Variants in ARL4C observed in about 807,000 individuals in gnomAD.
ARL4C encodes ADP-ribosylation factor-like protein 4C.
In ARL4C, 5 loss-of-function variants were observed where a neutral mutation model predicts 12.8. The observed-to-expected ratio is 0.39, with a 90% CI of 0.20 to 0.82. ARL4C has a LOEUF of 0.82. Among genes scored for constraint, ARL4C ranks in the 40% least tolerant of loss-of-function variants. The probability of loss-of-function intolerance (pLI) is 0.39; values close to 1 mark genes in which losing one functional copy is unlikely to be tolerated. For synonymous variants in ARL4C, 119 were observed against 119.4 expected (o/e 1.00, Z 0.02); for missense variants, 148 against 265.2 (o/e 0.56, Z 3.07).
chr2:234,494,246 G>A lies in ARL4C; in HGVS notation c.*1560C>T, dbSNP rs1196017605. On this transcript the variant is annotated 3_prime_UTR_variant, in exon 2 of 2. Transcript: ENST00000339728. ...AAAAAAATCAAACAGTATGTTTTAA[G>A]TTTCCCTTTTGATACTGTGTTTCAG... 1 of 152,642 alleles carries A rather than the reference G, an allele frequency of 6.6e-6. No homozygotes were observed. The highest frequency in any genetic ancestry group is 1.5e-5 in the Non-Finnish European group (1 of 68,046). The allele number at this position is 152,642 out of a possible 1,614,324, so 9.5% of individuals were successfully genotyped here. A position where few individuals can be genotyped will look rare whatever the true frequency, so the allele number is the denominator to read the frequency against.
In ARL4C at chr2:234,496,270, G is replaced by C; in HGVS notation, c.317C>G (p.Thr106Arg). The C allele has an allele frequency of 6.3e-7, 1 of 1,596,794 alleles. No homozygotes were observed. The highest frequency in any genetic ancestry group is 1.3e-5 in the African/African-American group (1 of 74,580). Residue 106 changes from threonine to arginine, a missense_variant, in exon 1 of 2, where the codon ACG (threonine) becomes AGG (arginine). Thr to Arg is a moderately conservative substitution (Grantham distance 71, BLOSUM62 -1). Transcript: ENST00000339728. ...VDVDRLEEAK[T>R]ELHKVTKFAE... ...GAACTTGGTCACCTTGTGCAGCTCC[G>C]TCTTGGCCTCCTCCAGCCGGTCCAC... is the stretch of plus-strand genomic sequence containing the variant.
chr2:234,496,272 C>T lies in ARL4C; in HGVS notation c.315G>A (p.Lys105=). The change falls in exon 1 of 2, where the codon AAG becomes AAA. Residue 105 remains lysine, a synonymous_variant. Transcript: ENST00000339728. ...SVDVDRLEEA[K]TELHKVTKFA... ...ACTTGGTCACCTTGTGCAGCTCCGT[C>T]TTGGCCTCCTCCAGCCGGTCCACGT... The T allele has an allele frequency of 1.9e-6, 3 of 1,597,712 alleles. No homozygotes were observed. Among genetic ancestry groups the T allele is most frequent in the Admixed American group, 1.7e-5 (1 of 58,182 alleles).
chr2:234,495,854 G>A lies in ARL4C; in HGVS notation c.576-18C>T, dbSNP rs757163818. ...CACCAGTCCTGCATTTGGGTGCAGA[G>A]ATTCCGTTTTAAAAATTCGAAGCAT... is the stretch of plus-strand genomic sequence containing the variant. On this transcript the variant is annotated intron_variant, in intron 1 of 1. Coordinates refer to ENST00000339728, the MANE Select transcript of ARL4C (RefSeq NM_001282431.2). 3.9e-5 allele frequency: 63 copies of A among 1,599,190 alleles called. No individual in the cohort carries two copies. Among genetic ancestry groups the A allele is most frequent in the Admixed American group, 6.7e-5 (4 of 60,008 alleles).
Position 234,496,573 on chromosome 2 carries a change from G to A in ARL4C, c.14C>T (p.Ser5Phe). 6.4e-7 allele frequency: 1 copy of A among 1,573,368 alleles called. No homozygotes were observed. The highest frequency in any genetic ancestry group is 1.4e-5 in the African/African-American group (1 of 73,396). Residue 5 changes from serine (S) to phenylalanine (F), a missense_variant, in exon 1 of 2, where the codon TCC (serine) becomes TTC (phenylalanine). By Grantham distance (155) the Ser-to-Phe change is radical. Around this residue, in one of 4 missense-constraint regions of ARL4C, gnomAD observed 51 missense variants for 127.9 expected, o/e 0.40. Coordinates refer to ENST00000339728, the MANE Select transcript of ARL4C (RefSeq NM_001282431.2). ...GGACTGGAAGGCCGAGATGTTAGAG[G>A]AGATGTTGCCCATGGCTCCTGGCTG... MGNI[S>F]SNISAFQSLH...
In ARL4C at chr2:234,494,946, G is replaced by T. The variant is rs1449716470; in HGVS notation, c.*860C>A. The T allele has an allele frequency of 1.3e-5, 2 of 151,550 alleles. No individual in the cohort carries two copies. Among genetic ancestry groups the T allele is most frequent in the African/African-American group, 2.4e-5 (1 of 41,044 alleles). The allele number at this position is 151,550 out of a possible 1,614,324, so 9.4% of individuals were successfully genotyped here. A position where few individuals can be genotyped will look rare whatever the true frequency, so the allele number is the denominator to read the frequency against. ...ATCCAAACCAATCAGTAGGCTAAGA[G>T]AATTTAAAATTCCATACATATGAGT... On this transcript the variant is annotated 3_prime_UTR_variant, in exon 2 of 2. Transcript: ENST00000339728.
Position 234,495,705 on chromosome 2 carries a change from A to T in ARL4C, c.*101T>A. 2 of 1,474,092 alleles carry T rather than the reference A, an allele frequency of 1.4e-6. No individual in the cohort carries two copies. Among genetic ancestry groups the T allele is most frequent in the South Asian group, 1.1e-5 (1 of 88,230 alleles). 91.3% of individuals were successfully genotyped at this position (1,474,092 alleles called of 1,614,324 possible). ...GGCGGACAGCAGGACCGGCTCTTCC[A>T]CTCCCCACCGCGGCCCCCCGACCTG... On this transcript the variant is annotated 3_prime_UTR_variant, in exon 2 of 2. Transcript: ENST00000339728.
In ARL4C at chr2:234,496,493, G is replaced by A. The variant is rs747197724; in HGVS notation, c.94C>T (p.Arg32Trp). The change falls in exon 1 of 2, where the codon CGG (arginine) becomes TGG (tryptophan). Residue 32 changes from arginine (R) to tryptophan (W), a missense_variant. Around this residue, in one of 4 missense-constraint regions of ARL4C, gnomAD observed 51 missense variants for 127.9 expected, o/e 0.40. Transcript: ENST00000339728. ...TTCACGAACTCGTTGAACTTGAGCC[G>A]GTAGAGCACCGTGGTCTTGCCGGCC... Reference protein sequence around the residue: ...DSAGKTTVLYRLKFNEFVNTV... With the variant: ...DSAGKTTVLYWLKFNEFVNTV... 7 of 1,613,812 alleles carry A rather than the reference G, an allele frequency of 4.3e-6. No homozygotes were observed. Among genetic ancestry groups the A allele is most frequent in the Non-Finnish European group, 5.1e-6 (6 of 1,179,912 alleles).
At chr2:234,495,881 G>C in intron 1 of ARL4C, 45 bp from the exon 2 acceptor site, 1 of 1,601,704 alleles carries the variant, frequency 6.2e-7, no homozygotes, top group Non-Finnish European at 8.5e-7. Context: ...TCGAAGCATC[G>C]CTTTGGTTCG....
chr2:234,496,244 C>A lies in ARL4C; in HGVS notation c.343G>T (p.Ala115Ser). The A allele has an allele frequency of 6.3e-7, 1 of 1,583,274 alleles. No individual in the cohort carries two copies. Among genetic ancestry groups the A allele is most frequent in the Admixed American group, 1.8e-5 (1 of 56,438 alleles). The change falls in exon 1 of 2, where the codon GCC becomes TCC. Residue 115 changes from alanine (A) to serine (S), a missense_variant. By Grantham distance (99) the Ala-to-Ser change is moderately conservative. Coordinates refer to ENST00000339728, the MANE Select transcript of ARL4C (RefSeq NM_001282431.2). ...KTELHKVTKF[A>S]ENQGTPLLVI... The stretch of plus-strand genomic sequence containing the variant: ...AGCAGCGGCGTGCCCTGGTTCTCGG[C>A]GAACTTGGTCACCTTGTGCAGCTCC...
At position 234,494,295 on chromosome 2, in the gene ARL4C, C is replaced by CA. The variant is rs1691744098; in HGVS notation, c.*1510dup. On this transcript the variant is annotated 3_prime_UTR_variant, in exon 2 of 2. Coordinates refer to ENST00000339728, the MANE Select transcript of ARL4C (RefSeq NM_001282431.2). ...AGGGTAAGTGACAGCTTCTGCAAACCAAGACTCAGTCCTGATTATAAAGGA... is the reference window on the plus strand; with the variant it reads ...AGGGTAAGTGACAGCTTCTGCAAACCAAAGACTCAGTCCTGATTATAAAGGA... The CA allele has an allele frequency of 6.6e-6, 1 of 152,652 alleles. No homozygotes were observed. 9.5% of individuals were successfully genotyped at this position (152,652 alleles called of 1,614,324 possible). A position where few individuals can be genotyped will look rare whatever the true frequency, so the allele number is the denominator to read the frequency against.
chr2:234,496,549 G>C lies in ARL4C; in HGVS notation c.38C>G (p.Ser13Cys). The C allele has an allele frequency of 6.2e-7, 1 of 1,604,324 alleles. No individual in the cohort carries two copies. Reference protein sequence around the residue: ...NISSNISAFQSLHIVMLGLDS... With the variant: ...NISSNISAFQCLHIVMLGLDS... ...CAAGCCCAACATGACGATATGCAGG[G>C]ACTGGAAGGCCGAGATGTTAGAGGA... is the stretch of plus-strand genomic sequence containing the variant. Residue 13 changes from serine to cysteine, a missense_variant, in exon 1 of 2, where the codon TCC becomes TGC. Ser to Cys is a moderately radical substitution (Grantham distance 112). Coordinates refer to ENST00000339728, the MANE Select transcript of ARL4C (RefSeq NM_001282431.2).
rs1574656525 is a variant in ARL4C, at chr2:234,494,966, A to C, written c.*840T>G. The C allele has an allele frequency of 6.9e-6, 1 of 144,202 alleles. No homozygotes were observed. Among genetic ancestry groups the C allele is most frequent in the East Asian group, 2.1e-4 (1 of 4,696 alleles). The allele number at this position is 144,202 out of a possible 1,614,324, so 8.9% of individuals were successfully genotyped here. On this transcript the variant is annotated 3_prime_UTR_variant, in exon 2 of 2. Transcript: ENST00000339728. ...TAAGAGAATTTAAAATTCCATACAT[A>C]TGAGTCTAGGTATTAATGCCGATTA...
Position 234,495,268 on chromosome 2 carries a change from T to C in ARL4C, c.*538A>G. On this transcript the variant is annotated 3_prime_UTR_variant, in exon 2 of 2. Coordinates refer to ENST00000339728, the MANE Select transcript of ARL4C (RefSeq NM_001282431.2). ...GAAAAGCAGTTCTCAACAAAACTGG[T>C]CTTCTGCAGCCACCACAAAGCACCA... is the stretch of plus-strand genomic sequence containing the variant. 6.2e-6 allele frequency: 1 copy of C among 161,700 alleles called. No individual in the cohort carries two copies. The highest frequency in any genetic ancestry group is 5.9e-5 in the Admixed American group (1 of 17,072). 10.0% of individuals were successfully genotyped at this position (161,700 alleles called of 1,614,324 possible). A position where few individuals can be genotyped will look rare whatever the true frequency, so the allele number is the denominator to read the frequency against.
rs1691738591 is a variant in ARL4C at position 234,493,863 on chromosome 2, C to G, written c.*1943G>C. On this transcript the variant is annotated 3_prime_UTR_variant, in exon 2 of 2. Transcript: ENST00000339728. ...TGTCGATATGTAAACTGAAATCTTG[C>G]AGGCTTTTCAACACTGCTTAGCTAG... 2 of 152,508 alleles carry G rather than the reference C, an allele frequency of 1.3e-5. No homozygotes were observed. Among genetic ancestry groups the G allele is most frequent in the Non-Finnish European group, 2.9e-5 (2 of 68,018 alleles). The allele number at this position is 152,508 out of a possible 1,614,324, so 9.4% of individuals were successfully genotyped here. A position where few individuals can be genotyped will look rare whatever the true frequency, so the allele number is the denominator to read the frequency against.
rs1574655974 is a variant in ARL4C at position 234,493,752 on chromosome 2, T to A, written c.*2054A>T. On this transcript the variant is annotated 3_prime_UTR_variant, in exon 2 of 2. Coordinates refer to ENST00000339728, the MANE Select transcript of ARL4C (RefSeq NM_001282431.2). ...AAGAAATTGTCGCATGTGAAGAAAA[T>A]AAAGAAAGATGGATTTTTTTTTTAA... The A allele has an allele frequency of 1.3e-5, 2 of 152,380 alleles. No homozygotes were observed. The highest frequency in any genetic ancestry group is 3.9e-4 in the East Asian group (2 of 5,174). The allele number at this position is 152,380 out of a possible 1,614,324, so 9.4% of individuals were successfully genotyped here.
rs558853201 is a variant in ARL4C at position 234,493,115 on chromosome 2, A to G, written c.*2691T>C. ...ATAAAAGGCTATGGAAACAAAAGAG[A>G]AGGATGATGAGACAGAGAATTACAG... On this transcript the variant is annotated 3_prime_UTR_variant, in exon 2 of 2. Coordinates refer to ENST00000339728, the MANE Select transcript of ARL4C (RefSeq NM_001282431.2). The G allele has an allele frequency of 6.5e-6, 1 of 152,806 alleles. No homozygotes were observed. The highest frequency in any genetic ancestry group is 6.5e-5 in the Admixed American group (1 of 15,310). 9.5% of individuals were successfully genotyped at this position (152,806 alleles called of 1,614,324 possible).
Position 234,495,478 on chromosome 2 carries a change from A to G in ARL4C, c.*328T>C, listed in dbSNP as rs1240600459. 2.0e-6 allele frequency: 1 copy of G among 503,276 alleles called. No homozygotes were observed. The highest frequency in any genetic ancestry group is 1.9e-5 in the African/African-American group (1 of 51,774). 31.2% of individuals were successfully genotyped at this position (503,276 alleles called of 1,614,324 possible). ...AATTACTCAGCTTCACAGCCCCTGA[A>G]TGCAAGGAGAGGTGGTCCCCCCAGA... On this transcript the variant is annotated 3_prime_UTR_variant, in exon 2 of 2. Coordinates refer to ENST00000339728, the MANE Select transcript of ARL4C (RefSeq NM_001282431.2).
Position 234,494,398 on chromosome 2 carries a change from A to T in ARL4C, c.*1408T>A, listed in dbSNP as rs1197338937. 1 of 152,648 alleles carries T rather than the reference A, an allele frequency of 6.6e-6. No individual in the cohort carries two copies. The highest frequency in any genetic ancestry group is 1.5e-5 in the Non-Finnish European group (1 of 68,042). The allele number at this position is 152,648 out of a possible 1,614,324, so 9.5% of individuals were successfully genotyped here. A position where few individuals can be genotyped will look rare whatever the true frequency, so the allele number is the denominator to read the frequency against. ...TATTTTCCAAAGCCTCTTTCAAGTA[A>T]ACTGTGAAGTGCCTGAGTACCAGTG... On this transcript the variant is annotated 3_prime_UTR_variant, in exon 2 of 2. Coordinates refer to ENST00000339728, the MANE Select transcript of ARL4C (RefSeq NM_001282431.2).
At position 234,495,727 on chromosome 2, in the gene ARL4C, C is replaced by T; in HGVS notation, c.*79G>A. 1 of 1,581,004 alleles carries T rather than the reference C, an allele frequency of 6.3e-7. No homozygotes were observed. ...TCCACTCCCCACCGCGGCCCCCCGA[C>T]CTGGTCAGTAGCTCTGGCGTTCAGA... On this transcript the variant is annotated 3_prime_UTR_variant, in exon 2 of 2. Transcript: ENST00000339728.
Sources: allele counts gnomAD v4.1 joint callset, GRCh38; gene constraint gnomAD v4.1.1; regional missense constraint gnomAD v4.1.1; transcripts MANE v1.5; gene names NCBI Gene and HGNC (gene_info 2026-07-23, HGNC 2026-07-21).